The following PKIB variants were observed in gnomAD, a reference collection of about 807,000 sequenced individuals.
PKIB encodes the protein cAMP-dependent protein kinase inhibitor beta, also known as PKI-beta.
PKIB carries 2 observed loss-of-function variants against 4.5 expected under a neutral mutation model. The observed-to-expected ratio is 0.44, with a 90% confidence interval of 0.18 to 1.39. The LOEUF is 1.39. Ranked by LOEUF, PKIB falls within the 40% of genes most tolerant of loss-of-function variation. The pLI is 0.27. For synonymous variants in PKIB, 38 were observed against 36.0 expected (o/e 1.06, Z -0.20); for missense variants, 94 against 92.6 (o/e 1.02, Z -0.06).
intron 4 of PKIB, among the ~76,000 whole-genome samples, chr6:122,721,843 G>A (rs1779757740): frequency 6.6e-6 from 1 of 151,574 alleles, no homozygotes; most frequent in South Asian, 2.1e-4. Context: ...TCCAAGCTAG[G>A]CTTCTAGAGA....
chr6:122,591,174 C>CCG (rs1554222327), intron 3 of PKIB, among the ~76,000 whole-genome samples: 6 of 150,740 alleles, frequency 4.0e-5, no homozygotes, highest in South Asian at 2.1e-4. Flanking sequence ...GGTCCCCCCC[C>CCG]ACATCTAATT....
At chr6:122,602,628 A>T (rs1774405169) in intron 3 of PKIB, among the ~76,000 whole-genome samples, 1 of 152,102 alleles carries the variant, frequency 6.6e-6, no homozygotes, top group African/African-American at 2.4e-5. Context: ...TCAATAGGGT[A>T]AGTTGGCCAG....
intron 3 of PKIB, among the ~76,000 whole-genome samples, chr6:122,709,012 A>G (rs1226224543): frequency 1.3e-5 from 2 of 152,200 alleles, no homozygotes; most frequent in Non-Finnish European, 2.9e-5. Context: ...TAAAAGAATA[A>G]TTGATATTCA....
At chr6:122,617,182 A>C (rs892184026) in intron 1 of PKIB, among the ~76,000 whole-genome samples, 5 of 152,034 alleles carry the variant, frequency 3.3e-5, no homozygotes, top group Non-Finnish European at 5.9e-5. Flanking sequence ...GCACTACCTA[A>C]TGTGGTCAAA....
intron 3 of PKIB, among the ~76,000 whole-genome samples, chr6:122,675,420 T>C (rs1177008920): frequency 6.6e-6 from 1 of 152,210 alleles, no homozygotes; most frequent in Non-Finnish European, 1.5e-5. Flanking sequence ...GTCTTTTTCA[T>C]TATCGTTTTT....
intron 2 of PKIB, among the ~76,000 whole-genome samples, chr6:122,491,031 G>A (rs1775922023): frequency 1.3e-5 from 2 of 152,162 alleles, no homozygotes; most frequent in African/African-American, 2.4e-5. Flanking sequence ...AGGAGAAGAA[G>A]AGACTGAGAC....
chr6:122,521,040 T>C (rs1434768192), intron 2 of PKIB, among the ~76,000 whole-genome samples: 1 of 152,204 alleles, frequency 6.6e-6, no homozygotes, highest in African/African-American at 2.4e-5. Flanking sequence ...GGTTGTGGGA[T>C]ATGCAGTCTG....
intron 3 of PKIB, among the ~76,000 whole-genome samples, chr6:122,678,604 C>T (rs913605990): frequency 6.6e-6 from 1 of 152,102 alleles, no homozygotes; most frequent in Non-Finnish European, 1.5e-5. Context: ...ATACTCAGTG[C>T]TTCTCTGTCC....
At chr6:122,501,009 G>A (rs1259112080) in intron 2 of PKIB, among the ~76,000 whole-genome samples, 1 of 151,972 alleles carries the variant, frequency 6.6e-6, no homozygotes, top group Non-Finnish European at 1.5e-5. Context: ...CCCCCCACCA[G>A]GACCCTCTCC....
At chr6:122,666,831 C>T (rs1777238352) in intron 2 of PKIB, among the ~76,000 whole-genome samples, 2 of 152,188 alleles carry the variant, frequency 1.3e-5, no homozygotes, top group Non-Finnish European at 2.9e-5. Context: ...TCGACTTAGT[C>T]AACCACTACT....
intron 2 of PKIB, chr6:122,643,669 A>G (rs539969580): frequency 1.3e-5 from 2 of 152,346 alleles, no homozygotes; most frequent in East Asian, 3.9e-4. Flanking sequence ...ATGTCAAACT[A>G]TTATCCTACC....
intron 2 of PKIB, among the ~76,000 whole-genome samples, chr6:122,522,456 C>A (rs1364039062): frequency 6.6e-5 from 10 of 152,034 alleles, no homozygotes; most frequent in Non-Finnish European, 1.3e-4. Context: ...ACAACAACAA[C>A]AAAAAACAAC....
intron 2 of PKIB, among the ~76,000 whole-genome samples, chr6:122,565,534 T>C (rs945355097): frequency 5.9e-5 from 9 of 152,184 alleles, no homozygotes; most frequent in African/African-American, 1.9e-4. Context: ...TATCCTGACA[T>C]TTTTCTACCA....
intron 2 of PKIB, among the ~76,000 whole-genome samples, chr6:122,666,584 C>T (rs1210245231): frequency 6.6e-6 from 1 of 152,188 alleles, no homozygotes; most frequent in East Asian, 1.9e-4. Flanking sequence ...GAGCTGCCCT[C>T]ATGGGCGCAT....
intron 2 of PKIB, among the ~76,000 whole-genome samples, chr6:122,570,184 C>T (rs993016349): frequency 2.6e-5 from 4 of 152,176 alleles, no homozygotes; most frequent in African/African-American, 9.7e-5. Context: ...GCCTGTCTAA[C>T]CTGAATAGCC....
intron 2 of PKIB, among the ~76,000 whole-genome samples, chr6:122,665,554 G>C (rs1213038017): frequency 6.6e-6 from 1 of 152,024 alleles, no homozygotes; most frequent in East Asian, 1.9e-4. Flanking sequence ...GACAATGTTA[G>C]GACAAAGTAG....
At chr6:122,476,947 T>C (rs1422242967) in intron 1 of PKIB, among the ~76,000 whole-genome samples, 5 of 152,180 alleles carry the variant, frequency 3.3e-5, no homozygotes. Context: ...AAACATGTTA[T>C]TAAGGCAACG....
intron 3 of PKIB, among the ~76,000 whole-genome samples, chr6:122,705,793 C>T (rs111597221): frequency 7.9e-5 from 12 of 152,086 alleles, no homozygotes; most frequent in African/African-American, 2.9e-4. Context: ...TCTCGATCTC[C>T]TGACCTTGTA....
chr6:122,521,667 G>A (rs532869997), intron 2 of PKIB, among the ~76,000 whole-genome samples: 1 of 151,970 alleles, frequency 6.6e-6, no homozygotes, highest in African/African-American at 2.4e-5. Flanking sequence ...GTGACAGAGC[G>A]AGACTCCACC....
Sources: gnomAD v4.1 joint callset for allele counts (sites outside exome capture counted in the v4.1 genomes callset) on GRCh38, gnomAD v4.1.1 for gene constraint, MANE v1.5 for transcripts, NCBI Gene and HGNC (gene_info 2026-07-23, HGNC 2026-07-21) for gene names.